Variants in CMYA5 observed in about 807,000 individuals in gnomAD.
The protein encoded by CMYA5 is cardiomyopathy-associated protein 5.
Under a neutral mutation model 318.9 loss-of-function variants are expected in CMYA5, and 246 were observed. The observed-to-expected ratio is 0.77, with a 90% CI of 0.70 to 0.86. CMYA5 has a LOEUF of 0.86. Ranked by LOEUF, CMYA5 falls within the 40% of genes least tolerant of loss-of-function variation. The pLI is 0.00. For missense variants in CMYA5, 4,589 were observed against 4,678.2 expected (o/e 0.98, Z 0.56); for synonymous variants, 1,641 against 1,729.5 (o/e 0.95, Z 1.27).
In CMYA5 at chr5:79,788,873, G is replaced by T. The variant is rs1829124997; in HGVS notation, c.11556-98G>T. On this transcript the variant is annotated intron_variant, in intron 9 of 12. Transcript: ENST00000446378. ...AAAAGGGGAAGAAAATAAGTTATTTGTTGCTAATAAAAGATGTTCATTCAC... is the reference window on the plus strand; with the variant it reads ...AAAAGGGGAAGAAAATAAGTTATTTTTTGCTAATAAAAGATGTTCATTCAC... The T allele has an allele frequency of 5.7e-6, 7 of 1,230,244 alleles. No homozygotes were observed. In the South Asian group the frequency reaches 7.5e-5, roughly 13 times the overall value. The allele number at this position is 1,230,244 out of a possible 1,614,324, so 76.2% of individuals were successfully genotyped here. A position where few individuals can be genotyped will look rare whatever the true frequency, so the allele number is the denominator to read the frequency against.
Position 79,732,572 on chromosome 5 carries a change from A to C in CMYA5, c.3807A>C (p.Arg1269Ser), listed in dbSNP as rs759638420. ...ATGTGACTTCTGAACTAGAACAGAG[A>C]AAGTTGTCCAAGAATGAGCCTGAAG... Reference protein sequence around the residue: ...VLNVTSELEQRKLSKNEPEVI... With the variant: ...VLNVTSELEQSKLSKNEPEVI... Residue 1269 changes from arginine (R) to serine (S), a missense_variant, in exon 2 of 13, where the codon AGA becomes AGC. Around this residue, in one of 3 missense-constraint regions of CMYA5, gnomAD observed 2,132 missense variants for 2,131.3 expected, o/e 1.00. Coordinates refer to ENST00000446378, the MANE Select transcript of CMYA5 (RefSeq NM_153610.5). The C allele has an allele frequency of 1.2e-6, 2 of 1,612,930 alleles. No individual in the cohort carries two copies. The highest frequency in any genetic ancestry group is 2.7e-5 in the African/African-American group (2 of 74,932).
intron 6 of CMYA5, among the ~76,000 whole-genome samples, chr5:79,756,880 A>G (rs1347352801): frequency 6.6e-6 from 1 of 152,170 alleles, no homozygotes; most frequent in Non-Finnish European, 1.5e-5. Flanking sequence ...AAAAAAACCC[A>G]TAAAAAATAA....
rs1180106380 is a variant in CMYA5, at chr5:79,758,771, T to C, written c.11129T>C (p.Leu3710Ser). The change falls in exon 7 of 13, where the codon TTA (leucine) becomes TCA (serine). Residue 3710 changes from leucine to serine, a missense_variant. By Grantham distance (145) the Leu-to-Ser change is moderately radical. Transcript: ENST00000446378. ...ATTCCAGTTCCACAGCCTCCTAGAT[T>C]AGAACCTCAGGAACCAAATTCTGCC... is the stretch of plus-strand genomic sequence containing the variant. Reference protein sequence around the residue: ...KQVAVPQPPRLEPQEPNSATS... With the variant: ...KQVAVPQPPRSEPQEPNSATS... The C allele has an allele frequency of 6.2e-7, 1 of 1,606,230 alleles. No homozygotes were observed. Among genetic ancestry groups the C allele is most frequent in the African/African-American group, 1.3e-5 (1 of 74,580 alleles).
In CMYA5 at chr5:79,732,561, C is replaced by A. The variant is rs771246431; in HGVS notation, c.3796C>A (p.Leu1266Ile). 1.2e-6 allele frequency: 2 copies of A among 1,612,932 alleles called. No homozygotes were observed. The highest frequency in any genetic ancestry group is 3.3e-5 in the Admixed American group (2 of 59,810). The change falls in exon 2 of 13, where the codon CTA becomes ATA. Residue 1266 changes from leucine (L) to isoleucine (I), a missense_variant. By Grantham distance (5) the Leu-to-Ile change is conservative. Coordinates refer to ENST00000446378, the MANE Select transcript of CMYA5 (RefSeq NM_153610.5). Reference sequence around the variant, plus strand: ...ATTAGTTCTAAATGTGACTTCTGAACTAGAACAGAGAAAGTTGTCCAAGAA... The same window carrying A: ...ATTAGTTCTAAATGTGACTTCTGAAATAGAACAGAGAAAGTTGTCCAAGAA... ...PKLVLNVTSE[L>I]EQRKLSKNEP... is the part of the protein sequence containing the mutation.
At chr5:79,754,937 T>A (rs1007744104) in intron 6 of CMYA5, among the ~76,000 whole-genome samples, 9 of 152,242 alleles carry the variant, frequency 5.9e-5, no homozygotes, top group African/African-American at 2.2e-4. Flanking sequence ...TATTTCTCTT[T>A]TTGTGACTGG....
intron 5 of CMYA5, among the ~76,000 whole-genome samples, chr5:79,751,203 T>C (rs949918038): frequency 1.1e-4 from 16 of 152,270 alleles, no homozygotes; most frequent in Admixed American, 7.8e-4. Flanking sequence ...AAAGACAAAA[T>C]TGAACTCTCA....
At chr5:79,760,233 C>T (rs1828625581) in intron 7 of CMYA5, among the ~76,000 whole-genome samples, 1 of 151,818 alleles carries the variant, frequency 6.6e-6, no homozygotes, top group African/African-American at 2.4e-5. Context: ...CCAAACACTT[C>T]CCTATCCTGT....
chr5:79,732,168 G>A lies in CMYA5; in HGVS notation c.3403G>A (p.Val1135Met). 7 of 1,613,958 alleles carry A rather than the reference G, an allele frequency of 4.3e-6. No homozygotes were observed. The highest frequency in any genetic ancestry group is 5.9e-6 in the Non-Finnish European group (7 of 1,179,874). ...DLIPSHLTSE[V>M]EKGEREASSS... ...GATTCCTTCACATTTAACCAGTGAA[G>A]TGGAGAAGGGAGAAAGGGAGGCAAG... The change falls in exon 2 of 13, where the codon GTG becomes ATG. Residue 1135 changes from valine to methionine, a missense_variant. By Grantham distance (21) the Val-to-Met change is conservative (BLOSUM62 1). Coordinates refer to ENST00000446378, the MANE Select transcript of CMYA5 (RefSeq NM_153610.5).
rs149513584 is a variant in CMYA5, at chr5:79,791,231, G to A, written c.11789+162G>A. Among the ~76,000 whole-genome samples the A allele has an allele frequency of 4.1e-3, 626 of 152,182 alleles. 1 individual carries two copies. Among genetic ancestry groups the A allele is most frequent in the Non-Finnish European group, 6.5e-3 (442 of 67,996 alleles). ...GTGCACATCCACACTGTTCGGCTGTGGTTCCCTACCGAGCGATAGTTCATC... is the reference window on the plus strand; with the variant it reads ...GTGCACATCCACACTGTTCGGCTGTAGTTCCCTACCGAGCGATAGTTCATC... On this transcript the variant is annotated intron_variant, in intron 11 of 12. Transcript: ENST00000446378.
In CMYA5 at chr5:79,732,814, G is replaced by A; in HGVS notation, c.4049G>A (p.Ser1350Asn). The change falls in exon 2 of 13, where the codon AGT becomes AAT. Residue 1350 changes from serine (S) to asparagine (N), a missense_variant. Coordinates refer to ENST00000446378, the MANE Select transcript of CMYA5 (RefSeq NM_153610.5). ...GAAATTAAAAAAGAAATTGAACCCA[G>A]TTCCTCAACAACTACAGCATCTGTA... ...SEEIKKEIEP[S>N]SSTTTASVTK... 6.2e-7 allele frequency: 1 copy of A among 1,613,674 alleles called. No individual in the cohort carries two copies. The highest frequency in any genetic ancestry group is 8.5e-7 in the Non-Finnish European group (1 of 1,179,804).
At chr5:79,743,396 T>C (rs1323321738) in intron 2 of CMYA5, among the ~76,000 whole-genome samples, 1 of 152,166 alleles carries the variant, frequency 6.6e-6, no homozygotes, top group African/African-American at 2.4e-5. Context: ...TCTGATCACC[T>C]TCTCAGGCCA....
chr5:79,797,026 T>G (rs1829288708), intron 12 of CMYA5, among the ~76,000 whole-genome samples: 1 of 152,168 alleles, frequency 6.6e-6, no homozygotes, highest in South Asian at 2.1e-4. Flanking sequence ...ACATAAAAAA[T>G]GCAGGTATTT....
chr5:79,765,237 CA>C (rs1162997605), intron 9 of CMYA5, among the ~76,000 whole-genome samples: 5 of 152,076 alleles, frequency 3.3e-5, no homozygotes, highest in African/African-American at 1.2e-4. Flanking sequence ...ACCATTTATT[CA>C]ATAGGGAATC....
intron 1 of CMYA5, among the ~76,000 whole-genome samples, chr5:79,697,735 T>C (rs1827096576): frequency 6.6e-6 from 1 of 152,222 alleles, no homozygotes; most frequent in Admixed American, 6.5e-5. Flanking sequence ...GTAATATATA[T>C]ATAATACACA....
Position 79,799,686 on chromosome 5 carries a change from G to C in CMYA5, c.*70G>C. 6.6e-7 allele frequency: 1 copy of C among 1,511,462 alleles called. No homozygotes were observed. Among genetic ancestry groups the C allele is most frequent in the South Asian group, 1.3e-5 (1 of 78,114 alleles). 93.6% of individuals were successfully genotyped at this position (1,511,462 alleles called of 1,614,324 possible). A position where few individuals can be genotyped will look rare whatever the true frequency, so the allele number is the denominator to read the frequency against. On this transcript the variant is annotated 3_prime_UTR_variant, in exon 13 of 13. Transcript: ENST00000446378. ...GGGGGTCTGCTGTTCATTCCTTTAG[G>C]TGCTATACATTATTCAAAAAGTCTC... is the stretch of plus-strand genomic sequence containing the variant.
At chr5:79,701,107 A>AAAAG (rs1827167643) in intron 1 of CMYA5, among the ~76,000 whole-genome samples, 1 of 151,364 alleles carries the variant, frequency 6.6e-6, no homozygotes, top group African/African-American at 2.4e-5. Context: ...AAAAAAAAAA[A>AAAAG]ATTAGCCGAG....
At chr5:79,749,425 T>C (rs1168841241) in intron 5 of CMYA5, among the ~76,000 whole-genome samples, 2 of 151,198 alleles carry the variant, frequency 1.3e-5, no homozygotes, top group Non-Finnish European at 2.9e-5. Context: ...TTATCTACAG[T>C]TGGCCCTTGA....
Position 79,763,177 on chromosome 5 carries a change from C to T in CMYA5, c.11523C>T (p.Cys3841=), listed in dbSNP as rs776630350. 6.2e-7 allele frequency: 1 copy of T among 1,610,974 alleles called. No homozygotes were observed. The highest frequency in any genetic ancestry group is 1.7e-5 in the Admixed American group (1 of 59,632). The stretch of plus-strand genomic sequence containing the variant: ...CGGAGACCTACACTCTGGAGTACTG[C>T]AGACAGCACTCTCCTGAGGGAGAGG... ...EATETYTLEY[C]RQHSPEGEGL... The change falls in exon 9 of 13, where the codon TGC becomes TGT. Residue 3841 remains cysteine (C), a synonymous_variant. Transcript: ENST00000446378.
At chr5:79,693,336 A>ATTTTTTTTTT (rs11319092) in intron 1 of CMYA5, among the ~76,000 whole-genome samples, 3 of 135,634 alleles carry the variant, frequency 2.2e-5, no homozygotes, top group African/African-American at 2.8e-5. Context: ...AAGTCACACA[A>ATTTTTTTTTT]TTTTTTTTTT....
Sources: allele counts gnomAD v4.1 joint callset (sites outside exome capture counted in the v4.1 genomes callset), GRCh38; gene constraint gnomAD v4.1.1; regional missense constraint gnomAD v4.1.1; transcripts MANE v1.5; gene names NCBI Gene and HGNC (gene_info 2026-07-23, HGNC 2026-07-21).